The following CCDC88A variants were observed in gnomAD, a reference collection of about 807,000 sequenced individuals.
The protein encoded by CCDC88A is girdin.
In CCDC88A, 54 loss-of-function variants were observed where a neutral mutation model predicts 234.3. The observed-to-expected ratio is 0.23, with a 90% confidence interval of 0.19 to 0.29. The LOEUF (loss-of-function observed/expected upper bound fraction) is 0.29, where lower values mean the gene tolerates loss of function less well. Among genes scored for constraint, CCDC88A ranks in the 10% least tolerant of loss-of-function variants. The probability of loss-of-function intolerance (pLI) is 1.00; values close to 1 mark genes in which losing one functional copy is unlikely to be tolerated. For synonymous variants in CCDC88A, 753 were observed against 737.8 expected (o/e 1.02, Z -0.33); for missense variants, 1,832 against 2,123.4 (o/e 0.86, Z 2.70).
chr2:55,319,381 C>T (rs9784090), intron 18 of CCDC88A, among the ~76,000 whole-genome samples: 12,789 of 152,068 alleles, frequency 0.084, 1,371 homozygotes, highest in African/African-American at 0.25. Context: ...GGGGCTGTGT[C>T]CAACCATGGA....
At chr2:55,410,259 C>A (rs1254106900) in intron 2 of CCDC88A, among the ~76,000 whole-genome samples, 1 of 152,206 alleles carries the variant, frequency 6.6e-6, no homozygotes, top group African/African-American at 2.4e-5. Context: ...AAGGTGTTCA[C>A]AGCATGTACA....
intron 16 of CCDC88A, among the ~76,000 whole-genome samples, chr2:55,330,643 C>G (rs938968077): frequency 1.2e-4 from 18 of 152,030 alleles, no homozygotes; most frequent in Non-Finnish European, 2.5e-4. Flanking sequence ...GAGAAAGAAG[C>G]TAGTTTAGTA....
intron 2 of CCDC88A, among the ~76,000 whole-genome samples, chr2:55,410,956 G>A (rs1440709647): frequency 6.6e-6 from 1 of 151,692 alleles, no homozygotes; most frequent in African/African-American, 2.4e-5. Flanking sequence ...ATAGAATCAG[G>A]AATAAAGAGA....
chr2:55,369,975 C>G (rs1288426200), intron 5 of CCDC88A, among the ~76,000 whole-genome samples: 2 of 152,108 alleles, frequency 1.3e-5, no homozygotes, highest in African/African-American at 4.8e-5. Flanking sequence ...TTTACTATAG[C>G]ACCCATAAAC....
chr2:55,403,419 A>C (rs1219108989), intron 2 of CCDC88A: 1 of 152,252 alleles, frequency 6.6e-6, no homozygotes, highest in Non-Finnish European at 1.5e-5. Flanking sequence ...TTATTGCTTC[A>C]TCAAGGACAT....
intron 17 of CCDC88A, among the ~76,000 whole-genome samples, chr2:55,327,158 G>A (rs2104661902): frequency 6.6e-6 from 1 of 152,162 alleles, no homozygotes; most frequent in African/African-American, 2.4e-5. Context: ...CTGTAACAAT[G>A]TATGTTCGAT....
At chr2:55,401,470 A>ATATGTG (rs367863063) in intron 2 of CCDC88A, among the ~76,000 whole-genome samples, 2 of 31,500 alleles carry the variant, frequency 6.3e-5, no homozygotes, top group African/African-American at 1.6e-4. Context: ...ATATATACAT[A>ATATGTG]TGTGTGTGTA....
Position 55,329,215 on chromosome 2 carries a change from G to T in CCDC88A, c.2856-780C>A, listed in dbSNP as rs561553754. 3.3e-5 allele frequency: 5 copies of T among 152,260 alleles called. No individual in the cohort carries two copies. In the South Asian group the frequency reaches 8.3e-4, roughly 25 times the overall value. The allele number at this position is 152,260 out of a possible 1,614,324, so 9.4% of individuals were successfully genotyped here. On this transcript the variant is annotated intron_variant, in intron 16 of 32. Transcript: ENST00000436346. ...TTATCTTTCTGAATGGTAGATAAAT[G>T]AATAATTATTAATAAATACTTTTTT...
Position 55,308,872 on chromosome 2 carries a change from T to C in CCDC88A, c.4324A>G (p.Ser1442Gly). 6.2e-7 allele frequency: 1 copy of C among 1,614,158 alleles called. No homozygotes were observed. The highest frequency in any genetic ancestry group is 8.5e-7 in the Non-Finnish European group (1 of 1,179,992). ...AAAGAGTTTGAACCTACTGAAGAAC[T>C]ATCTTGACTGTCTTGATGAGGGAGC... ...LQLPHQDSQD[S>G]SSVGSNSLED... Residue 1442 changes from serine to glycine, a missense_variant, in exon 25 of 33, where the codon AGT (serine) becomes GGT (glycine). This residue lies in a region of CCDC88A where 1,282 missense variants were observed against 1,543.6 expected (regional missense o/e 0.83). Coordinates refer to ENST00000436346, the MANE Select transcript of CCDC88A (RefSeq NM_001365480.1).
intron 6 of CCDC88A, among the ~76,000 whole-genome samples, chr2:55,362,699 C>G (rs946555574): frequency 1.3e-5 from 2 of 151,852 alleles, no homozygotes; most frequent in African/African-American, 4.8e-5. Flanking sequence ...ATATTTAACT[C>G]AAGGCATTCT....
In CCDC88A at chr2:55,290,710, TA is replaced by T. The variant is rs1436524281; in HGVS notation, c.*489del. 1 of 152,566 alleles carries T rather than the reference TA, an allele frequency of 6.6e-6. No homozygotes were observed. The highest frequency in any genetic ancestry group is 1.5e-5 in the Non-Finnish European group (1 of 67,970). The allele number at this position is 152,566 out of a possible 1,614,324, so 9.5% of individuals were successfully genotyped here. A position where few individuals can be genotyped will look rare whatever the true frequency, so the allele number is the denominator to read the frequency against. Reference sequence around the variant, plus strand: ...AAACAATTTTCTCTGTATCTTGCTATATAGTACATTCCACAAAATACTACAG... The same window carrying T: ...AAACAATTTTCTCTGTATCTTGCTATTAGTACATTCCACAAAATACTACAG... On this transcript the variant is annotated 3_prime_UTR_variant, in exon 33 of 33. Coordinates refer to ENST00000436346, the MANE Select transcript of CCDC88A (RefSeq NM_001365480.1).
At chr2:55,381,116 C>A (rs1674512914) in intron 3 of CCDC88A, among the ~76,000 whole-genome samples, 1 of 150,072 alleles carries the variant, frequency 6.7e-6, no homozygotes, top group Non-Finnish European at 1.5e-5. Flanking sequence ...GTATTCAGTA[C>A]AGTAACATGC....
intron 2 of CCDC88A, among the ~76,000 whole-genome samples, chr2:55,411,309 A>T (rs1680444874): frequency 6.6e-6 from 1 of 152,086 alleles, no homozygotes; most frequent in South Asian, 2.1e-4. Context: ...TTAAGAGAAA[A>T]TTTTCAGTTA....
At chr2:55,409,542 C>T (rs1680119112) in intron 2 of CCDC88A, among the ~76,000 whole-genome samples, 1 of 152,150 alleles carries the variant, frequency 6.6e-6, no homozygotes, top group Non-Finnish European at 1.5e-5. Flanking sequence ...CAGTTTATTA[C>T]ACAGTAAGTA....
rs547962891 is a variant in CCDC88A at position 55,332,959 on chromosome 2, A to C, written c.2728-266T>G. Among the ~76,000 whole-genome samples, 3 of 152,328 alleles carry C rather than the reference A, an allele frequency of 2.0e-5. No homozygotes were observed. The South Asian group carries it at 6.2e-4, about 32-fold the overall frequency. ...TTGTGAATACACATTTAGGTTTGAA[A>C]ACTGGGGAAAATCATATCCATTTAC... is the stretch of plus-strand genomic sequence containing the variant. On this transcript the variant is annotated intron_variant, in intron 15 of 32. Transcript: ENST00000436346. This position sits in a 1 kb window ranked among gnomAD's most constrained non-coding sequence, Gnocchi z 4.5.
Position 55,339,603 on chromosome 2 carries a change from C to G in CCDC88A, c.1379G>C (p.Ser460Thr), listed in dbSNP as rs1220852703. ...LGHEVNELTS[S>T]RLLKLEMENQ... ...TTCCATCTCTAGCTTCAATAATCTA[C>G]TTGATGTCAACTCATTCACCTCATG... is the stretch of plus-strand genomic sequence containing the variant. Residue 460 changes from serine (S) to threonine (T), a missense_variant, in exon 13 of 33, where the codon AGT (serine) becomes ACT (threonine). Ser to Thr is a moderately conservative substitution (Grantham distance 58, BLOSUM62 1). Around this residue, in one of 6 missense-constraint regions of CCDC88A, gnomAD observed 1,282 missense variants for 1,543.6 expected, o/e 0.83. Coordinates refer to ENST00000436346, the MANE Select transcript of CCDC88A (RefSeq NM_001365480.1). 7.4e-6 allele frequency: 12 copies of G among 1,613,318 alleles called. No homozygotes were observed. Among genetic ancestry groups the G allele is most frequent in the Non-Finnish European group, 1.0e-5 (12 of 1,179,736 alleles).
At chr2:55,398,364 G>C (rs1043636409) in intron 2 of CCDC88A, among the ~76,000 whole-genome samples, 1 of 152,092 alleles carries the variant, frequency 6.6e-6, no homozygotes, top group Non-Finnish European at 1.5e-5. Flanking sequence ...ATAATCATCA[G>C]ATATTATATC....
intron 13 of CCDC88A, chr2:55,339,239 G>C (rs775970434): frequency 7.1e-6 from 3 of 420,524 alleles, no homozygotes; most frequent in African/African-American, 6.3e-5. Flanking sequence ...GATTACAGGC[G>C]TGAGCCCCCG....
intron 18 of CCDC88A, among the ~76,000 whole-genome samples, chr2:55,319,616 A>G (rs1023640943): frequency 1.3e-5 from 2 of 152,180 alleles, no homozygotes; most frequent in Non-Finnish European, 2.9e-5. Context: ...TTAAAATTCT[A>G]TTTCAACTAT....
Sources: allele counts gnomAD v4.1 joint callset (sites outside exome capture counted in the v4.1 genomes callset), GRCh38; gene constraint gnomAD v4.1.1; regional missense constraint gnomAD v4.1.1; non-coding constraint Gnocchi (gnomAD v3.1); transcripts MANE v1.5; gene names NCBI Gene and HGNC (gene_info 2026-07-23, HGNC 2026-07-21).